The following TRPM3 variants were observed in gnomAD, a reference collection of about 807,000 sequenced individuals.
TRPM3 encodes long transient receptor potential channel 3.
Under a neutral mutation model 181.2 loss-of-function variants are expected in TRPM3, and 77 were observed. The observed-to-expected ratio is 0.42, with a 90% CI of 0.35 to 0.51. The LOEUF (loss-of-function observed/expected upper bound fraction) is 0.51, where lower values mean the gene tolerates loss of function less well. TRPM3 is among the 20% of genes least tolerant of loss of function. The pLI is 0.01. For missense variants in TRPM3, 1,759 were observed against 2,196.7 expected, an observed-to-expected ratio of 0.80 and a Z score of 3.98; for synonymous variants, 745 against 796.4, an observed-to-expected ratio of 0.94 and a Z score of 1.09.
intron 1 of TRPM3, among the ~76,000 whole-genome samples, chr9:71,030,088 T>C (rs1047087789): frequency 1.3e-5 from 2 of 152,228 alleles, no homozygotes; most frequent in Non-Finnish European, 2.9e-5. Context: ...CAGACAAATA[T>C]TAATATATAT....
chr9:70,974,539 AAAACAAAC>A (rs74510700), intron 1 of TRPM3, among the ~76,000 whole-genome samples: 33 of 149,300 alleles, frequency 2.2e-4, no homozygotes, highest in African/African-American at 5.7e-4. Flanking sequence ...ACTCCGTCTC[AAAACAAAC>A]AAACAAACAA....
intron 3 of TRPM3, among the ~76,000 whole-genome samples, chr9:70,862,413 T>C (rs573127916): frequency 3.9e-5 from 6 of 152,248 alleles, no homozygotes; most frequent in Admixed American, 3.9e-4. Context: ...AGCACTTAAT[T>C]TCGATGGCAA....
intron 1 of TRPM3, among the ~76,000 whole-genome samples, chr9:71,306,813 C>A (rs765100322): frequency 2.6e-5 from 4 of 152,188 alleles, no homozygotes; most frequent in Non-Finnish European, 4.4e-5. Context: ...GTGGAGATTG[C>A]AGTGAGCCGA....
chr9:70,938,998 A>AC (rs2096858514), intron 1 of TRPM3, among the ~76,000 whole-genome samples: 1 of 151,568 alleles, frequency 6.6e-6, no homozygotes, highest in African/African-American at 2.4e-5. Flanking sequence ...AATAAAAAAA[A>AC]AACATTCATT....
intron 1 of TRPM3, among the ~76,000 whole-genome samples, chr9:71,338,096 A>AT: frequency 6.8e-6 from 1 of 146,438 alleles, no homozygotes; most frequent in East Asian, 2.0e-4. Flanking sequence ...ACAACAGAAA[A>AT]AAAAAAAGAG....
chr9:70,663,260 G>A (rs114844748), intron 9 of TRPM3, among the ~76,000 whole-genome samples: 2,200 of 152,174 alleles, frequency 0.014, 56 homozygotes, highest in African/African-American at 0.05. Flanking sequence ...AGTGGGGTGA[G>A]GGATAAAAGA....
intron 1 of TRPM3, among the ~76,000 whole-genome samples, chr9:71,444,118 G>T (rs2094171705): frequency 1.4e-5 from 2 of 146,530 alleles, no homozygotes; most frequent in Admixed American, 1.4e-4. Flanking sequence ...GGCGGAAGTT[G>T]CAGTGAGCCA....
chr9:71,348,683 G>A (rs899007052), intron 1 of TRPM3, among the ~76,000 whole-genome samples: 5 of 151,826 alleles, frequency 3.3e-5, no homozygotes, highest in Non-Finnish European at 5.9e-5. Context: ...GATTGCCTCA[G>A]CCTCCCGAGT....
rs75367079 is a variant in TRPM3, at chr9:71,058,969, C to T, written c.177+62209G>A. ...TGCTCCATTCATGAATTGTTCTTTG[C>T]TCAAATAAACTCTATAATTTCTCTG... On this transcript the variant is annotated intron_variant, in intron 1 of 25. Transcript: ENST00000677713. Among the ~76,000 whole-genome samples, 4 of 140,010 alleles carry T rather than the reference C, an allele frequency of 2.9e-5. No individual in the cohort carries two copies. The East Asian group carries it at 9.0e-4, about 31-fold the overall frequency. 91.9% of individuals were successfully genotyped at this position (140,010 alleles called of 152,430 possible).
chr9:70,987,090 CGTAAT>C (rs1366127163), intron 1 of TRPM3, among the ~76,000 whole-genome samples: 4 of 151,762 alleles, frequency 2.6e-5, no homozygotes, highest in African/African-American at 4.8e-5. Flanking sequence ...TATAGGAATG[CGTAAT>C]GTATTATTTA....
intron 1 of TRPM3, among the ~76,000 whole-genome samples, chr9:71,084,029 C>T (rs918261160): frequency 6.6e-6 from 1 of 151,808 alleles, no homozygotes; most frequent in Non-Finnish European, 1.5e-5. Context: ...TGTACTCAGT[C>T]TATGTGGGAG....
At chr9:71,426,642 G>T (rs1376331957) in intron 1 of TRPM3, among the ~76,000 whole-genome samples, 1 of 152,094 alleles carries the variant, frequency 6.6e-6, no homozygotes, top group East Asian at 1.9e-4. Context: ...TGAATATGGG[G>T]ACTTGCATAT....
intron 1 of TRPM3, among the ~76,000 whole-genome samples, chr9:70,895,824 T>C (rs1779792865): frequency 6.6e-6 from 1 of 151,762 alleles, no homozygotes; most frequent in African/African-American, 2.4e-5. Context: ...AACTACAGAG[T>C]TGATCTCATC....
chr9:71,009,388 A>G (rs186400910), intron 1 of TRPM3, among the ~76,000 whole-genome samples: 9 of 152,326 alleles, frequency 5.9e-5, no homozygotes, highest in East Asian at 1.9e-4. Context: ...AAAAAAATTC[A>G]GTAAAGTTGC....
chr9:71,101,886 A>T (rs1436164881), intron 1 of TRPM3, among the ~76,000 whole-genome samples: 1 of 152,170 alleles, frequency 6.6e-6, no homozygotes, highest in East Asian at 1.9e-4. Context: ...TTGATAACAA[A>T]CTGGTAAAGG....
At chr9:71,329,202 G>T (rs758978344) in intron 1 of TRPM3, among the ~76,000 whole-genome samples, 41 of 152,292 alleles carry the variant, frequency 2.7e-4, no homozygotes, top group Middle Eastern at 6.8e-3. Flanking sequence ...TAGTGATGTA[G>T]CTATGCTTAA....
intron 8 of TRPM3, among the ~76,000 whole-genome samples, chr9:70,744,329 C>CAAA (rs11408759): frequency 5.6e-5 from 8 of 142,768 alleles, no homozygotes; most frequent in African/African-American, 1.8e-4. Context: ...ATCTCTGTCT[C>CAAA]AAAAAAAAAA....
intron 1 of TRPM3, among the ~76,000 whole-genome samples, chr9:71,292,145 T>C (rs1269487824): frequency 6.6e-6 from 1 of 151,934 alleles, no homozygotes; most frequent in Non-Finnish European, 1.5e-5. Context: ...TGAATAAACA[T>C]TGAAAACCTG....
intron 1 of TRPM3, among the ~76,000 whole-genome samples, chr9:71,087,408 T>C (rs1006152398): frequency 3.3e-5 from 5 of 152,126 alleles, no homozygotes; most frequent in African/African-American, 1.2e-4. Context: ...TTTCCTCTTG[T>C]TCTATCACTG....
Sources: gnomAD v4.1 joint callset for allele counts (sites outside exome capture counted in the v4.1 genomes callset) on GRCh38, gnomAD v4.1.1 for gene constraint, MANE v1.5 for transcripts, NCBI Gene and HGNC (gene_info 2026-07-23, HGNC 2026-07-21) for gene names.